The following NXPH1 variants were observed in gnomAD, a reference collection of about 807,000 sequenced individuals.
NXPH1 encodes neurexophilin 1.
In NXPH1, 5 loss-of-function variants were observed where a neutral mutation model predicts 23.7. The observed-to-expected ratio is 0.21, with a 90% CI of 0.11 to 0.44. NXPH1 has a LOEUF of 0.44. NXPH1 is among the 20% of genes least tolerant of loss of function. NXPH1 has a pLI of 0.99. For synonymous variants in NXPH1, 144 were observed against 122.2 expected, an observed-to-expected ratio of 1.18 and a Z score of -1.18; for missense variants, 324 against 321.6, an observed-to-expected ratio of 1.01 and a Z score of -0.06.
intron 2 of NXPH1, among the ~76,000 whole-genome samples, chr7:8,715,612 G>A (rs1779864415): frequency 6.6e-6 from 1 of 152,084 alleles, no homozygotes; most frequent in Non-Finnish European, 1.5e-5. Context: ...CAAAGTTATT[G>A]TTTCTTAATT....
chr7:8,484,046 T>G (rs1817118762), intron 2 of NXPH1, among the ~76,000 whole-genome samples: 1 of 151,270 alleles, frequency 6.6e-6, no homozygotes, highest in African/African-American at 2.5e-5. Context: ...AGCCATTTGC[T>G]TCAGTAAGCC....
At chr7:8,701,569 T>A (rs2115189967) in intron 2 of NXPH1, among the ~76,000 whole-genome samples, 1 of 152,266 alleles carries the variant, frequency 6.6e-6, no homozygotes, top group African/African-American at 2.4e-5. Flanking sequence ...AAACTTGATT[T>A]AAGTTTTTGA....
intron 2 of NXPH1, among the ~76,000 whole-genome samples, chr7:8,502,354 A>T (rs537202939): frequency 2.8e-4 from 42 of 152,100 alleles, no homozygotes; most frequent in Non-Finnish European, 4.7e-4. Flanking sequence ...ACTAGGTCTA[A>T]AACTATATTT....
chr7:8,464,723 G>A (rs546788875), intron 2 of NXPH1, among the ~76,000 whole-genome samples: 1 of 151,894 alleles, frequency 6.6e-6, no homozygotes, highest in African/African-American at 2.4e-5. Context: ...AGTGGAGTGA[G>A]AGGCACAGAG....
chr7:8,676,172 T>C (rs1012320932), intron 2 of NXPH1, among the ~76,000 whole-genome samples: 8 of 152,190 alleles, frequency 5.3e-5, no homozygotes, highest in Non-Finnish European at 8.8e-5. Context: ...AAAACAAGTA[T>C]TATAAATTGA....
rs369749997 is a variant in NXPH1, at chr7:8,519,149, A to G, written c.54+83382A>G. Among the ~76,000 whole-genome samples, 40 of 152,212 alleles carry G rather than the reference A, an allele frequency of 2.6e-4. No individual in the cohort carries two copies. The East Asian group carries it at 5.6e-3, about 21-fold the overall frequency. On this transcript the variant is annotated intron_variant, in intron 2 of 2. Coordinates refer to ENST00000405863, the MANE Select transcript of NXPH1 (RefSeq NM_152745.3). The stretch of plus-strand genomic sequence containing the variant: ...ATTAGTATTATCTCATTTATTCTGA[A>G]TTTGTTATTTTGCCAAGAATAGACA...
chr7:8,501,575 A>C (rs1443386691), intron 2 of NXPH1, among the ~76,000 whole-genome samples: 2 of 152,080 alleles, frequency 1.3e-5, no homozygotes, highest in African/African-American at 2.4e-5. Context: ...TCACATTTCA[A>C]ATATTAACAT....
At position 8,751,630 on chromosome 7, in the gene NXPH1, A is replaced by G. The variant is rs758363505; in HGVS notation, c.677A>G (p.His226Arg). The G allele has an allele frequency of 6.2e-6, 10 of 1,613,584 alleles. No homozygotes were observed. In the South Asian group the frequency reaches 1.1e-4, roughly 18 times the overall value. ...KTCYQEQTQS[H>R]VSWLCSKPFK... is the part of the protein sequence containing the mutation. ...TGTTACCAGGAGCAAACCCAAAGTC[A>G]TGTATCCTGGCTCTGCTCCAAGCCC... Residue 226 changes from histidine to arginine, a missense_variant, in exon 3 of 3, where the codon CAT becomes CGT. Coordinates refer to ENST00000405863, the MANE Select transcript of NXPH1 (RefSeq NM_152745.3). The surrounding 1 kb of genome is among the most constrained non-coding windows in gnomAD (Gnocchi z 4.5).
At chr7:8,562,513 GTT>G (rs5882173) in intron 2 of NXPH1, among the ~76,000 whole-genome samples, 4 of 145,154 alleles carry the variant, frequency 2.8e-5, no homozygotes, top group African/African-American at 7.5e-5. Context: ...AATGAAATGA[GTT>G]TTTTTTTTTT....
intron 2 of NXPH1, among the ~76,000 whole-genome samples, chr7:8,495,917 T>G (rs1403872795): frequency 6.6e-6 from 1 of 152,012 alleles, no homozygotes; most frequent in African/African-American, 2.4e-5. Flanking sequence ...GTGTTTCTGG[T>G]GAATCACAGG....
At chr7:8,595,459 T>C (rs1237958196) in intron 2 of NXPH1, among the ~76,000 whole-genome samples, 1 of 152,038 alleles carries the variant, frequency 6.6e-6, no homozygotes, top group Non-Finnish European at 1.5e-5. Flanking sequence ...AATTATTTGG[T>C]AAAATATATT....
At chr7:8,596,874 T>C (rs905724202) in intron 2 of NXPH1, among the ~76,000 whole-genome samples, 14 of 152,238 alleles carry the variant, frequency 9.2e-5, no homozygotes, top group Non-Finnish European at 1.8e-4. Flanking sequence ...AATGGGTACA[T>C]ACAATTTTAA....
intron 2 of NXPH1, among the ~76,000 whole-genome samples, chr7:8,516,462 TTTTGCTGA>T (rs1179351042): frequency 3.3e-5 from 5 of 152,128 alleles, no homozygotes; most frequent in Non-Finnish European, 7.4e-5. Context: ...TTAATACTGT[TTTTGCTGA>T]TTAGGAATTA....
chr7:8,466,373 T>C (rs1816786773), intron 2 of NXPH1, among the ~76,000 whole-genome samples: 1 of 152,158 alleles, frequency 6.6e-6, no homozygotes, highest in African/African-American at 2.4e-5. Context: ...ATGAGCTCTT[T>C]TTATTAGGTC....
intron 2 of NXPH1, among the ~76,000 whole-genome samples, chr7:8,670,216 C>G (rs1328353268): frequency 6.6e-6 from 1 of 152,188 alleles, no homozygotes; most frequent in Non-Finnish European, 1.5e-5. Context: ...TCCTCTCCCT[C>G]TCCTAAATGT....
intron 2 of NXPH1, among the ~76,000 whole-genome samples, chr7:8,613,355 A>G (rs1236837820): frequency 1.3e-5 from 2 of 152,050 alleles, no homozygotes; most frequent in African/African-American, 2.4e-5. Flanking sequence ...GAGAATCTCT[A>G]TGCTCACTCA....
intron 2 of NXPH1, among the ~76,000 whole-genome samples, chr7:8,513,503 G>T (rs756823704): frequency 7.2e-5 from 11 of 152,092 alleles, no homozygotes; most frequent in Non-Finnish European, 1.3e-4. Flanking sequence ...CATCCTGCTG[G>T]AGGTTTTACT....
intron 2 of NXPH1, among the ~76,000 whole-genome samples, chr7:8,462,187 T>C (rs973061527): frequency 5.3e-5 from 8 of 152,160 alleles, no homozygotes; most frequent in Non-Finnish European, 7.4e-5. Context: ...TAGCTGGGAC[T>C]ACAGGCATGC....
chr7:8,663,372 C>A (rs10227335), intron 2 of NXPH1, among the ~76,000 whole-genome samples: 3 of 151,988 alleles, frequency 2.0e-5, no homozygotes, highest in Non-Finnish European at 4.4e-5. Context: ...TCTGGTCTCA[C>A]GATCCATCTG....
Sources: gnomAD v4.1 joint callset for allele counts (sites outside exome capture counted in the v4.1 genomes callset) on GRCh38, gnomAD v4.1.1 for gene constraint, Gnocchi (gnomAD v3.1) non-coding constraint, MANE v1.5 for transcripts, NCBI Gene and HGNC (gene_info 2026-07-23, HGNC 2026-07-21) for gene names.